CFAP54: variants seen among roughly 807,000 people sequenced by gnomAD.
CFAP54 encodes cilia- and flagella-associated protein 54.
In CFAP54, 290 loss-of-function variants were observed where a neutral mutation model predicts 370.4. That is an observed-to-expected ratio of 0.78 (90% CI 0.71 to 0.86). The LOEUF is 0.86. Among genes scored for constraint, CFAP54 ranks in the 40% least tolerant of loss-of-function variants. CFAP54 has a pLI of 0.00. For synonymous variants in CFAP54, 1,206 were observed against 1,236.5 expected, an observed-to-expected ratio of 0.98 and a Z score of 0.52; for missense variants, 3,399 against 3,528.7, an observed-to-expected ratio of 0.96 and a Z score of 0.93.
At chr12:96,704,139 A>G (rs1957519937) in intron 46 of CFAP54, among the ~76,000 whole-genome samples, 1 of 152,110 alleles carries the variant, frequency 6.6e-6, no homozygotes, top group African/African-American at 2.4e-5. Flanking sequence ...AAAATTTAAA[A>G]TACATCGGCC....
chr12:96,591,995 A>T (rs749003121), intron 23 of CFAP54, among the ~76,000 whole-genome samples: 4 of 151,290 alleles, frequency 2.6e-5, no homozygotes, highest in Non-Finnish European at 5.9e-5. Flanking sequence ...GACTCAGTTG[A>T]TGTAATCGAA....
At chr12:96,637,867 T>C (rs1331917995) in intron 32 of CFAP54, among the ~76,000 whole-genome samples, 1 of 152,180 alleles carries the variant, frequency 6.6e-6, no homozygotes, top group Non-Finnish European at 1.5e-5. Flanking sequence ...CACCATACCT[T>C]TTCCATGTTT....
chr12:96,621,509 G>A (rs1473399964), intron 26 of CFAP54, 81 bp from the exon 27 acceptor site: 3 of 1,025,348 alleles, frequency 2.9e-6, no homozygotes, highest in Non-Finnish European at 3.9e-6. Context: ...TGGGGCTTTT[G>A]AATTTATGGA....
intron 67 of CFAP54, among the ~76,000 whole-genome samples, chr12:96,867,021 G>T (rs553428058): frequency 3.9e-5 from 6 of 152,210 alleles, no homozygotes; most frequent in Admixed American, 6.5e-5. Context: ...CAGTTAGAAT[G>T]ATCAAGATGT....
intron 60 of CFAP54, among the ~76,000 whole-genome samples, chr12:96,771,272 G>A (rs1438519832): frequency 6.6e-6 from 1 of 152,194 alleles, no homozygotes; most frequent in African/African-American, 2.4e-5. Flanking sequence ...GGGATTCAGA[G>A]TGGGCTTGTC....
intron 8 of CFAP54, among the ~76,000 whole-genome samples, chr12:96,522,566 T>C (rs1294764322): frequency 6.6e-6 from 1 of 152,192 alleles, no homozygotes; most frequent in African/African-American, 2.4e-5. Flanking sequence ...GTGGAGAAGA[T>C]GGAGGCACCT....
chr12:96,634,310 T>G (rs1814819805), intron 32 of CFAP54, among the ~76,000 whole-genome samples: 1 of 151,994 alleles, frequency 6.6e-6, no homozygotes, highest in African/African-American at 2.4e-5. Flanking sequence ...TGCTTCAGCC[T>G]CCCAAAGTGC....
intron 6 of CFAP54, among the ~76,000 whole-genome samples, chr12:96,519,695 A>G (rs954706861): frequency 1.3e-5 from 2 of 152,236 alleles, no homozygotes; most frequent in African/African-American, 4.8e-5. Flanking sequence ...TATGAGGTAC[A>G]ATGTGATGTT....
intron 36 of CFAP54, 77 bp from the exon 37 acceptor site, chr12:96,657,805 A>G (rs975190807): frequency 1.4e-5 from 14 of 1,022,040 alleles, no homozygotes; most frequent in Non-Finnish European, 1.9e-5. Context: ...TTACATTTTT[A>G]TTACATTCAG....
At chr12:96,490,226 G>A (rs531098390) in intron 1 of CFAP54, among the ~76,000 whole-genome samples, 1 of 152,284 alleles carries the variant, frequency 6.6e-6, no homozygotes, top group East Asian at 1.9e-4. Context: ...ACATAAGCAG[G>A]AAAGAACCTT....
intron 19 of CFAP54, among the ~76,000 whole-genome samples, chr12:96,570,888 C>A (rs1367369154): frequency 6.6e-6 from 1 of 152,124 alleles, no homozygotes; most frequent in Non-Finnish European, 1.5e-5. Context: ...CTACACATTT[C>A]TTTCTGTATT....
chr12:96,494,647 A>C (rs1368377049), intron 1 of CFAP54, among the ~76,000 whole-genome samples: 4 of 152,120 alleles, frequency 2.6e-5, no homozygotes, highest in African/African-American at 9.7e-5. Context: ...TCCAAAGGGA[A>C]CAAGAATAGC....
chr12:96,683,023 C>T (rs1302876466), intron 40 of CFAP54, among the ~76,000 whole-genome samples: 2 of 152,176 alleles, frequency 1.3e-5, no homozygotes, highest in Non-Finnish European at 2.9e-5. Flanking sequence ...TTAACCCATA[C>T]GATAGACCCA....
At chr12:96,629,016 C>T (rs1956575421) in intron 30 of CFAP54, among the ~76,000 whole-genome samples, 1 of 152,080 alleles carries the variant, frequency 6.6e-6, no homozygotes, top group African/African-American at 2.4e-5. Context: ...AAGGTCCGCT[C>T]AGTTCCTGTT....
At chr12:96,632,150 C>G (rs1172790530) in intron 32 of CFAP54, among the ~76,000 whole-genome samples, 1 of 152,060 alleles carries the variant, frequency 6.6e-6, no homozygotes, top group East Asian at 1.9e-4. Context: ...CTCAGGACTG[C>G]TTGTTTGTAT....
At chr12:96,616,622 G>A (rs575191442) in intron 26 of CFAP54, among the ~76,000 whole-genome samples, 3 of 152,342 alleles carry the variant, frequency 2.0e-5, no homozygotes, top group East Asian at 3.9e-4. Flanking sequence ...GGGAAAATAT[G>A]TGAAGGCATA....
intron 39 of CFAP54, among the ~76,000 whole-genome samples, chr12:96,671,691 G>T (rs1957148123): frequency 1.3e-5 from 2 of 152,182 alleles, no homozygotes; most frequent in African/African-American, 4.8e-5. Context: ...GGAGGCCAAG[G>T]CGAGTGGATT....
At chr12:96,670,025 G>C (rs1487761865) in intron 39 of CFAP54, among the ~76,000 whole-genome samples, 1 of 152,172 alleles carries the variant, frequency 6.6e-6, no homozygotes, top group African/African-American at 2.4e-5. Context: ...TCTGTTTCCT[G>C]TGCATGCTAC....
chr12:96,871,807 T>A (rs1386214454), intron 67 of CFAP54, among the ~76,000 whole-genome samples: 2 of 152,166 alleles, frequency 1.3e-5, no homozygotes, highest in African/African-American at 4.8e-5. Context: ...TACAGAATTT[T>A]TTTTAAAAAA....
Sources: allele counts gnomAD v4.1 joint callset (sites outside exome capture counted in the v4.1 genomes callset), GRCh38; gene constraint gnomAD v4.1.1; transcripts MANE v1.5; gene names NCBI Gene and HGNC (gene_info 2026-07-23, HGNC 2026-07-21).